PCDHGB6: variants seen among roughly 807,000 people sequenced by gnomAD.
PCDHGB6 encodes the protein protocadherin gamma subfamily B, 6.
Under a neutral mutation model 59.1 loss-of-function variants are expected in PCDHGB6, and 51 were observed. The ratio of observed to expected loss-of-function variants is 0.86; its 90% confidence interval spans 0.69 to 1.09. PCDHGB6 has a LOEUF of 1.09. Ranked by LOEUF, PCDHGB6 falls within the 50% of genes least tolerant of loss-of-function variation. PCDHGB6 has a pLI of 0.00. For missense variants in PCDHGB6, 1,148 were observed against 1,205.1 expected (o/e 0.95, Z 0.70); for synonymous variants, 466 against 495.1 (o/e 0.94, Z 0.78).
rs1043628660 is a variant in PCDHGB6, at chr5:141,478,879, G to A, written c.2419-15928G>A. On this transcript the variant is annotated intron_variant, in intron 1 of 3. Coordinates refer to ENST00000520790, the MANE Select transcript of PCDHGB6 (RefSeq NM_018926.3). ...GATCTCAGCGATCAGAGTTTAGCTT[G>A]GTATCATTTACATTAGGAATAAGCT... is the stretch of plus-strand genomic sequence containing the variant. 9 of 1,243,630 alleles carry A rather than the reference G, an allele frequency of 7.2e-6. No homozygotes were observed. The African/African-American group carries it at 1.1e-4, about 15-fold the overall frequency. The allele number at this position is 1,243,630 out of a possible 1,614,324, so 77.0% of individuals were successfully genotyped here.
At chr5:141,418,966 C>T (rs754269610) in intron 1 of PCDHGB6, 44 of 1,613,892 alleles carry the variant, frequency 2.7e-5, no homozygotes, top group Non-Finnish European at 3.6e-5. Flanking sequence ...TTGCCCTCTT[C>T]AAAACACGGG....
At chr5:141,427,825 C>T (rs1342117815) in intron 1 of PCDHGB6, 2 of 1,536,464 alleles carry the variant, frequency 1.3e-6, no homozygotes, top group Non-Finnish European at 1.8e-6. Flanking sequence ...GTGGTGGTCG[C>T]GCAGCGTGCC....
chr5:141,423,865 T>G, intron 1 of PCDHGB6: 1 of 1,285,992 alleles, frequency 7.8e-7, no homozygotes, highest in Non-Finnish European at 9.9e-7. Flanking sequence ...TTTGTGAAAG[T>G]CATTTTTCAA....
In PCDHGB6 at chr5:141,481,399, T is replaced by G. The variant is rs35677249; in HGVS notation, c.2419-13408T>G. 1.9e-3 allele frequency among the ~76,000 whole-genome samples: 284 copies of G among 152,356 alleles called. 1 individual carries two copies. Among genetic ancestry groups the G allele is most frequent in the Middle Eastern group, 0.01 (3 of 294 alleles). ...TTCTTTTTGGAGGGATGTGACAAAA[T>G]TCTTGTATAATTAGATTGTGATGAT... is the stretch of plus-strand genomic sequence containing the variant. On this transcript the variant is annotated intron_variant, in intron 1 of 3. Transcript: ENST00000520790.
chr5:141,433,849 A>C (rs116534867), intron 1 of PCDHGB6, among the ~76,000 whole-genome samples: 2,948 of 152,020 alleles, frequency 0.019, 43 homozygotes, highest in African/African-American at 0.028. Context: ...AAAAAAAAAA[A>C]AAAAAACTTT....
rs532675537 is a variant in PCDHGB6, at chr5:141,508,584, T to C, written c.2567-2363T>C. Among the ~76,000 whole-genome samples, 87 of 152,266 alleles carry C rather than the reference T, an allele frequency of 5.7e-4. 1 individual carries two copies. Among genetic ancestry groups the C allele is most frequent in the African/African-American group, 1.6e-3 (66 of 41,552 alleles). On this transcript the variant is annotated intron_variant, in intron 3 of 3. Coordinates refer to ENST00000520790, the MANE Select transcript of PCDHGB6 (RefSeq NM_018926.3). The stretch of plus-strand genomic sequence containing the variant: ...TGTCACTTGCACCCACTCGGGGTGC[T>C]ACTCAGAGATCTTGGGTGCACATAG...
chr5:141,471,925 G>A (rs1371923375), intron 1 of PCDHGB6, among the ~76,000 whole-genome samples: 1 of 152,076 alleles, frequency 6.6e-6, no homozygotes, highest in Non-Finnish European at 1.5e-5. Flanking sequence ...AAATTTTGGG[G>A]GTGATGAGAG....
chr5:141,423,435 G>A (rs2096740494), intron 1 of PCDHGB6: 1 of 1,613,892 alleles, frequency 6.2e-7, no homozygotes, highest in Admixed American at 1.7e-5. Context: ...TGGCAGGTAT[G>A]CCCACGTCAC....
At chr5:141,460,909 G>A (rs1473458228) in intron 1 of PCDHGB6, among the ~76,000 whole-genome samples, 4 of 123,246 alleles carry the variant, frequency 3.2e-5, no homozygotes, top group Non-Finnish European at 6.6e-5. Context: ...AATATTCCAT[G>A]GTGTATATAT....
chr5:141,485,106 T>A lies in PCDHGB6; in HGVS notation c.2419-9701T>A, dbSNP rs2099607051. 8.3e-7 allele frequency: 1 copy of A among 1,206,448 alleles called. No individual in the cohort carries two copies. Among genetic ancestry groups the A allele is most frequent in the Admixed American group, 1.8e-5 (1 of 55,050 alleles). 74.7% of individuals were successfully genotyped at this position (1,206,448 alleles called of 1,614,324 possible). On this transcript the variant is annotated intron_variant, in intron 1 of 3. Coordinates refer to ENST00000520790, the MANE Select transcript of PCDHGB6 (RefSeq NM_018926.3). The surrounding 1 kb of genome is among the most constrained non-coding windows in gnomAD (Gnocchi z 5.7). ...GGGAGATAGGTGTCTCCAGCTGCTG[T>A]GGCTGTTTGGGGCGGGTCGGCTTCA...
intron 1 of PCDHGB6, among the ~76,000 whole-genome samples, chr5:141,462,829 G>T (rs770335372): frequency 4.6e-5 from 7 of 152,130 alleles, no homozygotes; most frequent in Non-Finnish European, 8.8e-5. Flanking sequence ...AGCAGACATT[G>T]TAAATGTTAT....
At position 141,410,475 on chromosome 5, in the gene PCDHGB6, A is replaced by G. The variant is rs185995562; in HGVS notation, c.2273A>G (p.His758Arg). ...TATTCTTATAATCTGTGCATTGCAC[A>G]TACGGGTACAAAAGAGTTTAATTTC... is the stretch of plus-strand genomic sequence containing the variant. ...LPYSYNLCIA[H>R]TGTKEFNFLK... The change falls in exon 1 of 4, where the codon CAT (histidine) becomes CGT (arginine). Residue 758 changes from histidine (H) to arginine (R), a missense_variant. His to Arg is a conservative substitution (Grantham distance 29). Around this residue, in one of 5 missense-constraint regions of PCDHGB6, gnomAD observed 283 missense variants for 318.6 expected, o/e 0.89. Transcript: ENST00000520790. The G allele has an allele frequency of 3.7e-6, 6 of 1,614,052 alleles. No homozygotes were observed. In the South Asian group the frequency reaches 6.6e-5, roughly 18 times the overall value.
intron 1 of PCDHGB6, among the ~76,000 whole-genome samples, chr5:141,463,314 A>G (rs1357327211): frequency 2.0e-5 from 3 of 151,098 alleles, no homozygotes; most frequent in Non-Finnish European, 2.9e-5. Context: ...TCTAATATCT[A>G]TTCCTCAACT....
At chr5:141,428,105 G>T in intron 1 of PCDHGB6, 4 of 1,608,184 alleles carry the variant, frequency 2.5e-6, no homozygotes, top group Non-Finnish European at 2.5e-6. Context: ...ACCACGTGCT[G>T]CAGGCCATCG....
chr5:141,476,224 G>T lies in PCDHGB6; in HGVS notation c.2419-18583G>T. 6.2e-7 allele frequency: 1 copy of T among 1,614,062 alleles called. No individual in the cohort carries two copies. The highest frequency in any genetic ancestry group is 1.1e-5 in the South Asian group (1 of 91,072). ...AGGCTTCCACGGTCATTCACTATGA[G>T]ATCCCGGAGGAAAGAGAGAAGGGTT... On this transcript the variant is annotated intron_variant, in intron 1 of 3. Transcript: ENST00000520790. This position sits in a 1 kb window ranked among gnomAD's most constrained non-coding sequence, Gnocchi z 7.6.
At chr5:141,413,058 C>G (rs2095601249) in intron 1 of PCDHGB6, 1 of 1,073,304 alleles carries the variant, frequency 9.3e-7, no homozygotes, top group Non-Finnish European at 1.3e-6. Context: ...AAGCTCACTC[C>G]AGAATTTAAA....
intron 1 of PCDHGB6, chr5:141,428,257 G>T: frequency 1.2e-6 from 1 of 865,866 alleles, no homozygotes; most frequent in South Asian, 1.4e-5. Context: ...AGACTTCAGT[G>T]ACAGTCCTGT....
chr5:141,498,312 T>C (rs2099783060), intron 2 of PCDHGB6, among the ~76,000 whole-genome samples: 1 of 151,714 alleles, frequency 6.6e-6, no homozygotes, highest in Non-Finnish European at 1.5e-5. Context: ...TCACACTGCC[T>C]ACACAGAAGG....
At chr5:141,419,656 G>A (rs1374057056) in intron 1 of PCDHGB6, 15 of 1,612,528 alleles carry the variant, frequency 9.3e-6, no homozygotes, top group Non-Finnish European at 8.5e-6. Context: ...CGGACTCGGG[G>A]CACAATGCCT....
Sources: allele counts gnomAD v4.1 joint callset (sites outside exome capture counted in the v4.1 genomes callset), GRCh38; gene constraint gnomAD v4.1.1; regional missense constraint gnomAD v4.1.1; non-coding constraint Gnocchi (gnomAD v3.1); transcripts MANE v1.5; gene names NCBI Gene and HGNC (gene_info 2026-07-23, HGNC 2026-07-21).